The following ACSF3 variants were observed in gnomAD, a reference collection of about 807,000 sequenced individuals.
The protein encoded by ACSF3 is acyl-CoA synthetase family member 3, also known as malonate--CoA ligase ACSF3, mitochondrial.
A neutral mutation model predicts 53.2 loss-of-function variants in ACSF3; 78 were observed. That is an observed-to-expected ratio of 1.47 (90% CI 1.22 to 1.77). The LOEUF is 1.77. Among genes scored for constraint, ACSF3 ranks in the 40% most tolerant of loss-of-function variants. The pLI, the probability that ACSF3 is intolerant of heterozygous loss-of-function variation, is 0.00. For missense variants in ACSF3, 937 were observed against 771.1 expected (o/e 1.22, Z -2.55); for synonymous variants, 414 against 333.1 (o/e 1.24, Z -2.65).
chr16:89,128,129 G>A (rs2151503874), intron 7 of ACSF3, among the ~76,000 whole-genome samples: 1 of 151,728 alleles, frequency 6.6e-6, no homozygotes, highest in East Asian at 1.9e-4. Context: ...GTTGCTTAAG[G>A]TGAAGCTTTA....
In ACSF3 at chr16:89,155,499, G is replaced by A; in HGVS notation, c.*1292G>A. The A allele has an allele frequency of 2.2e-6, 1 of 454,136 alleles. No homozygotes were observed. Among genetic ancestry groups the A allele is most frequent in the Non-Finnish European group, 4.4e-6 (1 of 226,790 alleles). 28.1% of individuals were successfully genotyped at this position (454,136 alleles called of 1,614,324 possible). On this transcript the variant is annotated 3_prime_UTR_variant, in exon 11 of 11. Transcript: ENST00000614302. Reference sequence around the variant, plus strand: ...AGCAGCGTCCCAGCCCTGTTTTCCAGGACTGGTGGGTGCCCCAGTCCACGG... The same window carrying A: ...AGCAGCGTCCCAGCCCTGTTTTCCAAGACTGGTGGGTGCCCCAGTCCACGG...
intron 8 of ACSF3, among the ~76,000 whole-genome samples, chr16:89,142,490 CAG>C (rs1911962640): frequency 6.6e-6 from 1 of 151,766 alleles, no homozygotes; most frequent in Non-Finnish European, 1.5e-5. Context: ...AACACATCTG[CAG>C]AGACACAGCC....
rs116060008 is a variant in ACSF3 at position 89,142,663 on chromosome 16, A to G, written c.1367-2604A>G. Among the ~76,000 whole-genome samples the G allele has an allele frequency of 2.3e-4, 34 of 150,602 alleles. 2 individuals are homozygous for G. Among genetic ancestry groups the G allele is most frequent in the Admixed American group, 1.4e-3 (21 of 15,160 alleles). On this transcript the variant is annotated intron_variant, in intron 8 of 10. Transcript: ENST00000614302. ...CAGGCACACCCACACCTGCAGACAGAGCCACACCTGCAGAGACACCCTCAC... is the reference window on the plus strand; with the variant it reads ...CAGGCACACCCACACCTGCAGACAGGGCCACACCTGCAGAGACACCCTCAC...
At position 89,145,537 on chromosome 16, in the gene ACSF3, C is replaced by T. The variant is rs547612174; in HGVS notation, c.1501+136C>T. ...GTCCCTGTGATGCTCACCTCTGGTC[C>T]CTGCCCTGGCCAGGGAACATGGGGC... On this transcript the variant is annotated intron_variant, in intron 9 of 10. Coordinates refer to ENST00000614302, the MANE Select transcript of ACSF3 (RefSeq NM_001243279.3). The T allele has an allele frequency of 1.2e-5, 14 of 1,125,146 alleles. No individual in the cohort carries two copies. The East Asian group carries it at 3.3e-4, about 27-fold the overall frequency. The allele number at this position is 1,125,146 out of a possible 1,614,324, so 69.7% of individuals were successfully genotyped here. A position where few individuals can be genotyped will look rare whatever the true frequency, so the allele number is the denominator to read the frequency against.
chr16:89,116,818 C>T (rs1030049036), intron 6 of ACSF3, among the ~76,000 whole-genome samples: 6 of 152,234 alleles, frequency 3.9e-5, no homozygotes, highest in African/African-American at 1.2e-4. Context: ...AAACCTCCAC[C>T]TCCGTCAGTG....
intron 7 of ACSF3, among the ~76,000 whole-genome samples, chr16:89,126,222 C>T (rs1453104826): frequency 1.3e-5 from 2 of 152,170 alleles, no homozygotes; most frequent in African/African-American, 4.8e-5. Flanking sequence ...TCCTCCTTTT[C>T]CTCTCCTTTT....
chr16:89,095,547 A>T (rs1331263390), intron 1 of ACSF3, among the ~76,000 whole-genome samples: 1 of 131,108 alleles, frequency 7.6e-6, no homozygotes, highest in Non-Finnish European at 1.6e-5. Flanking sequence ...CCACGCTCTC[A>T]TCGGGGCAGC....
chr16:89,115,444 C>T (rs746746279), intron 6 of ACSF3, among the ~76,000 whole-genome samples: 3 of 152,192 alleles, frequency 2.0e-5, no homozygotes, highest in Non-Finnish European at 2.9e-5. Flanking sequence ...TGTCTGCTTC[C>T]GCCCGGCTTC....
intron 7 of ACSF3, among the ~76,000 whole-genome samples, chr16:89,124,521 ATGTG>A (rs530156001): frequency 1.3e-5 from 2 of 151,088 alleles, no homozygotes; most frequent in Admixed American, 1.3e-4. Context: ...TGCTGCATGT[ATGTG>A]TGTGTGTTAC....
At chr16:89,099,297 C>T (rs996998371) in intron 2 of ACSF3, among the ~76,000 whole-genome samples, 1 of 152,254 alleles carries the variant, frequency 6.6e-6, no homozygotes, top group Non-Finnish European at 1.5e-5. Flanking sequence ...CGGAGGCACC[C>T]TGGCTTCTTC....
At chr16:89,112,020 G>A (rs779991097) in intron 4 of ACSF3, 72 bp from the exon 5 acceptor site, 5 of 159,680 alleles carry the variant, frequency 3.1e-5, no homozygotes, top group Non-Finnish European at 5.2e-5. Flanking sequence ...CGCTGTGCCT[G>A]GAGCCAGGAG....
chr16:89,093,931 GC>G lies in ACSF3; in HGVS notation c.-258del. 6.1e-6 allele frequency: 2 copies of G among 327,024 alleles called. No individual in the cohort carries two copies. Among genetic ancestry groups the G allele is most frequent in the South Asian group, 2.1e-5 (1 of 47,460 alleles). The allele number at this position is 327,024 out of a possible 1,614,324, so 20.3% of individuals were successfully genotyped here. ...AACCCGGCCCGACCCCGGCGCGCGC[GC>G]GGCGGAGGACGAGGAAGAGTTGTGG... On this transcript the variant is annotated 5_prime_UTR_variant, in exon 1 of 11. Coordinates refer to ENST00000614302, the MANE Select transcript of ACSF3 (RefSeq NM_001243279.3).
intron 7 of ACSF3, among the ~76,000 whole-genome samples, chr16:89,126,919 C>T (rs1319595422): frequency 1.3e-5 from 2 of 152,138 alleles, no homozygotes; most frequent in African/African-American, 4.8e-5. Context: ...TTGCAGATTC[C>T]ATTCTATCTA....
chr16:89,128,441 G>C (rs555320956), intron 7 of ACSF3, among the ~76,000 whole-genome samples: 1 of 151,440 alleles, frequency 6.6e-6, no homozygotes, highest in African/African-American at 2.4e-5. Flanking sequence ...TTTGTATTTA[G>C]TACAGATGGG....
chr16:89,144,984 G>A (rs1912616009), intron 8 of ACSF3, among the ~76,000 whole-genome samples: 1 of 152,234 alleles, frequency 6.6e-6, no homozygotes, highest in South Asian at 2.1e-4. Context: ...GCCCCTGGAG[G>A]AAGTGCATAC....
intron 2 of ACSF3, 100 bp from the exon 3 acceptor site, chr16:89,100,562 C>G (rs753053418): frequency 1.7e-6 from 2 of 1,184,848 alleles, no homozygotes; most frequent in Non-Finnish European, 2.4e-6. Context: ...GTGCAGCAGG[C>G]GTACCTGGCT....
intron 10 of ACSF3, chr16:89,148,108 T>G (rs1216517978): frequency 6.8e-6 from 1 of 147,828 alleles, no homozygotes; most frequent in Admixed American, 6.7e-5. Context: ...TTGGTTTTTT[T>G]TTTTTTTTTT....
intron 4 of ACSF3, among the ~76,000 whole-genome samples, chr16:89,106,317 G>T (rs1303096113): frequency 6.7e-6 from 1 of 150,366 alleles, no homozygotes. Context: ...TTTTGAGATG[G>T]AGTCTCGCAC....
intron 10 of ACSF3, chr16:89,151,924 GAAGA>G (rs1914139060): frequency 6.6e-6 from 1 of 152,212 alleles, no homozygotes. Context: ...ACAGAATGAA[GAAGA>G]AAGATCATAT....
Sources: allele counts gnomAD v4.1 joint callset (sites outside exome capture counted in the v4.1 genomes callset), GRCh38; gene constraint gnomAD v4.1.1; transcripts MANE v1.5; gene names NCBI Gene and HGNC (gene_info 2026-07-23, HGNC 2026-07-21).